The following TAF1 variants were observed in gnomAD, a reference collection of about 807,000 sequenced individuals.
The protein encoded by TAF1 is TATA-box binding protein associated factor 1.
In TAF1, 2 loss-of-function variants were observed where a neutral mutation model predicts 138.5. That is an observed-to-expected ratio of 0.01 (90% CI 0.01 to 0.05). The LOEUF is 0.05. Among genes scored for constraint, TAF1 ranks in the 10% least tolerant of loss-of-function variants. The pLI is 1.00. For synonymous variants in TAF1, 437 were observed against 503.2 expected (o/e 0.87, Z 1.76); for missense variants, 709 against 1,478.0 (o/e 0.48, Z 8.53).
intron 4 of TAF1, among the ~76,000 whole-genome samples, chrX:71,375,746 C>G (rs917535883): frequency 8.9e-6 from 1 of 112,278 alleles, no homozygotes; most frequent in East Asian, 2.8e-4. Context: ...GATTCTCATG[C>G]CTCAGCCTCC....
intron 13 of TAF1, among the ~76,000 whole-genome samples, chrX:71,494,904 CTGCTGATTGGTCCATTTTACAGAG>C (rs964746494): frequency 8.9e-5 from 10 of 112,398 alleles, no homozygotes; most frequent in East Asian, 2.8e-4. Context: ...TGCCCACGTC[CTGCTGATTGGTCCATTTTACAGAG>C]TGCTGATTGG....
chrX:71,474,552 A>G (rs1406524859), intron 13 of TAF1, among the ~76,000 whole-genome samples: 3 of 112,080 alleles, frequency 2.7e-5, no homozygotes, highest in Non-Finnish European at 5.6e-5. Flanking sequence ...TCATTCATCC[A>G]GTCAATAAAT....
At position 71,388,273 on chromosome X, in the gene TAF1, C is replaced by T. The variant is rs1310583782; in HGVS notation, c.2464C>T (p.Arg822Trp). 1.7e-6 allele frequency: 2 copies of T among 1,209,284 alleles called. No homozygotes were observed. The highest frequency in any genetic ancestry group is 1.7e-5 in the African/African-American group (1 of 57,167). Residue 822 changes from arginine (R) to tryptophan (W), a missense_variant, in exon 16 of 38, where the codon CGG becomes TGG. Physicochemically the swap from Arg to Trp is moderately radical, Grantham distance 101. Around this residue, in one of 14 missense-constraint regions of TAF1, gnomAD observed 201 missense variants for 421.3 expected, o/e 0.48. Transcript: ENST00000423759. ...IYRLFWKSKD[R>W]PRRIRMEDIK... ...CCGCCTTTTCTGGAAAAGTAAAGAT[C>T]GGCCACGGAGGATACGAATGGAAGA... is the stretch of plus-strand genomic sequence containing the variant.
chrX:71,384,699 G>A (rs1406706856), intron 13 of TAF1, among the ~76,000 whole-genome samples: 1 of 111,697 alleles, frequency 9.0e-6, no homozygotes, highest in Non-Finnish European at 1.9e-5. Context: ...GAGCCACCAT[G>A]CCCGGCCAAT....
At chrX:71,448,762 T>A (rs192155245) in intron 32 of TAF1, among the ~76,000 whole-genome samples, 21 of 111,562 alleles carry the variant, frequency 1.9e-4, no homozygotes, top group East Asian at 1.4e-3. Flanking sequence ...GTTTTTTTTT[T>A]AAATATTCTA....
intron 34 of TAF1, among the ~76,000 whole-genome samples, chrX:71,455,351 T>C (rs566623631): frequency 8.9e-6 from 1 of 111,865 alleles, no homozygotes; most frequent in South Asian, 3.8e-4. Context: ...GTATTAATAA[T>C]GTTCTTAAAT....
chrX:71,383,935 A>G (rs778273268), intron 12 of TAF1, 27 bp from the exon 13 acceptor site: 1 of 1,198,166 alleles, frequency 8.3e-7, no homozygotes, highest in Non-Finnish European at 1.1e-6. Flanking sequence ...GTCAGGAGCT[A>G]GATGGTATTT....
At position 71,420,645 on chromosome X, in the gene TAF1, G is replaced by A. The variant is rs1314296642; in HGVS notation, c.4385-664G>A. 5.9e-6 allele frequency: 7 copies of A among 1,193,848 alleles called. No homozygotes were observed. In the African/African-American group the frequency reaches 1.0e-4, roughly 18 times the overall value. ...CTAACTCGAGCTTTGATAGCTTCCA[G>A]CTCCGGATCCTCAATGGCGCTGTCT... On this transcript the variant is annotated intron_variant, in intron 28 of 37. Transcript: ENST00000423759.
intron 35 of TAF1, 23 bp from the exon 36 acceptor site, chrX:71,459,529 G>A: frequency 8.3e-7 from 1 of 1,208,444 alleles, no homozygotes; most frequent in Non-Finnish European, 1.1e-6. Context: ...ATAGGACTTT[G>A]ACCCCCAACT....
chrX:71,421,428 G>GCC, intron 29 of TAF1, 52 bp downstream of exon 29: 1 of 429,765 alleles, frequency 2.3e-6, no homozygotes, highest in Non-Finnish European at 4.3e-6. Context: ...GTGGGGGTGG[G>GCC]ATATCAGGGT....
rs139686029 is a variant in TAF1, at chrX:71,426,957, T to C, written c.4753+2719T>C. Among the ~76,000 whole-genome samples the C allele has an allele frequency of 7.1e-3, 796 of 112,101 alleles. 10 individuals are homozygous for C. The highest frequency in any genetic ancestry group is 0.024 in the African/African-American group (754 of 30,877). On this transcript the variant is annotated intron_variant, in intron 32 of 37. Transcript: ENST00000423759. ...CGTTTGAGAGAATTATCTGGCGTAC[T>C]GAGGTTCTCAATTAAGAATCCACAT...
Position 71,378,427 on chromosome X carries a change from C to T in TAF1, c.1126C>T (p.Pro376Ser). ...GFKLRKTEHE[P>S]VIKSRMIEEF... ...CAAACTGAGAAAGACAGAACATGAA[C>T]CTGTGATAAAATCTAGAATGATAGA... The change falls in exon 7 of 38, where the codon CCT becomes TCT. Residue 376 changes from proline (P) to serine (S), a missense_variant. Around this residue, in one of 14 missense-constraint regions of TAF1, gnomAD observed 201 missense variants for 421.3 expected, o/e 0.48. Transcript: ENST00000423759. 2.5e-6 allele frequency: 3 copies of T among 1,211,588 alleles called. No individual in the cohort carries two copies. The highest frequency in any genetic ancestry group is 3.4e-6 in the Non-Finnish European group (3 of 895,446).
At chrX:71,490,373 A>G (rs995628080) in intron 13 of TAF1, among the ~76,000 whole-genome samples, 1 of 112,354 alleles carries the variant, frequency 8.9e-6, no homozygotes, top group Non-Finnish European at 1.9e-5. Context: ...CATGTCAGGA[A>G]ATGAAATAGA....
At chrX:71,527,541 G>A (rs187254242) in intron 13 of TAF1, among the ~76,000 whole-genome samples, 2 of 111,373 alleles carry the variant, frequency 1.8e-5, no homozygotes, top group Admixed American at 1.9e-4. Flanking sequence ...GGCAGATTAA[G>A]GAGAATCTGA....
chrX:71,517,282 T>G (rs2039841931), intron 13 of TAF1, among the ~76,000 whole-genome samples: 1 of 111,455 alleles, frequency 9.0e-6, no homozygotes, highest in Non-Finnish European at 1.9e-5. Flanking sequence ...TATAGTACAA[T>G]AGGGCGACTA....
chrX:71,455,216 A>G (rs2038225704), intron 34 of TAF1, among the ~76,000 whole-genome samples: 1 of 111,276 alleles, frequency 9.0e-6, no homozygotes, highest in South Asian at 3.8e-4. Context: ...TCTCAGTTAC[A>G]GACATGGGCC....
At position 71,439,661 on chromosome X, in the gene TAF1, A is replaced by G. The variant is rs574624200; in HGVS notation, c.4754-14509A>G. The stretch of plus-strand genomic sequence containing the variant: ...TTACGCTGCTCTCAGCACACTGCCT[A>G]TAGGGTAGCCCTGTTCCGCAAGAGC... On this transcript the variant is annotated intron_variant, in intron 32 of 37. Coordinates refer to ENST00000423759, the MANE Select transcript of TAF1 (RefSeq NM_004606.5). 9.8e-5 allele frequency among the ~76,000 whole-genome samples: 11 copies of G among 112,175 alleles called. No individual in the cohort carries two copies. The South Asian group carries it at 1.5e-3, about 15-fold the overall frequency.
chrX:71,421,712 T>A (rs761367706), intron 29 of TAF1, among the ~76,000 whole-genome samples: 13 of 112,316 alleles, frequency 1.2e-4, no homozygotes, highest in African/African-American at 4.2e-4. Context: ...GTCAATGTTT[T>A]AGGAAGAATT....
rs1394213868 is a variant in TAF1 at position 71,387,455 on chromosome X, T to C, written c.2421T>C (p.Phe807=). The C allele has an allele frequency of 2.5e-6, 3 of 1,210,002 alleles. No homozygotes were observed. The highest frequency in any genetic ancestry group is 1.7e-5 in the African/African-American group (1 of 57,181). The stretch of plus-strand genomic sequence containing the variant: ...GGGCCAATACGCATATTCGAGACTT[T>C]CTACAGGTAAGAATGGGAGGATAGG... ...SKRANTHIRD[F]LQVFIYRLFW... Residue 807 remains phenylalanine (F), a synonymous_variant, in exon 15 of 38, where the codon TTT becomes TTC. Coordinates refer to ENST00000423759, the MANE Select transcript of TAF1 (RefSeq NM_004606.5).
Sources: gnomAD v4.1 joint callset for allele counts (sites outside exome capture counted in the v4.1 genomes callset) on GRCh38, gnomAD v4.1.1 for gene constraint, gnomAD v4.1.1 regional missense constraint, MANE v1.5 for transcripts, NCBI Gene and HGNC (gene_info 2026-07-23, HGNC 2026-07-21) for gene names.